The following FHL5 variants were observed in gnomAD, a reference collection of about 807,000 sequenced individuals.
FHL5 encodes four and a half LIM domains protein 5.
Under a neutral mutation model 32.0 loss-of-function variants are expected in FHL5, and 33 were observed. The ratio of observed to expected loss-of-function variants is 1.03; its 90% CI spans 0.78 to 1.38. The LOEUF (loss-of-function observed/expected upper bound fraction) is 1.38. Ranked by LOEUF, FHL5 falls within the 40% of genes most tolerant of loss-of-function variation. FHL5 has a pLI of 0.00. For synonymous variants in FHL5, 114 were observed against 113.6 expected (o/e 1.00, Z -0.02); for missense variants, 336 against 343.9 (o/e 0.98, Z 0.18).
intron 1 of FHL5, among the ~76,000 whole-genome samples, chr6:96,572,340 A>G (rs957590288): frequency 1.3e-5 from 2 of 152,188 alleles, no homozygotes; most frequent in African/African-American, 4.8e-5. Context: ...TGAATAGCCA[A>G]GGTACTGTTT....
At chr6:96,610,500 T>C (rs1380202014) in intron 4 of FHL5, 72 bp from the exon 5 acceptor site, 3 of 1,132,502 alleles carry the variant, frequency 2.6e-6, no homozygotes, top group African/African-American at 3.1e-5. Flanking sequence ...TACTAGGATC[T>C]CAAAAGAATC....
At chr6:96,611,486 C>A (rs1214261181) in intron 5 of FHL5, among the ~76,000 whole-genome samples, 1 of 152,020 alleles carries the variant, frequency 6.6e-6, no homozygotes, top group Non-Finnish European at 1.5e-5. Flanking sequence ...AATGCTAATC[C>A]TATAATAAAG....
At chr6:96,585,643 A>G (rs1359669126) in intron 1 of FHL5, among the ~76,000 whole-genome samples, 1 of 152,168 alleles carries the variant, frequency 6.6e-6, no homozygotes, top group East Asian at 1.9e-4. Flanking sequence ...ACCTATCTCC[A>G]TGGGGAACAA....
rs77872007 is a variant in FHL5 at position 96,604,672 on chromosome 6, G to A, written c.160-78G>A. The A allele has an allele frequency of 4.8e-3, 5,414 of 1,124,530 alleles. 50 individuals carry two copies. The highest frequency in any genetic ancestry group is 0.031 in the African/African-American group (1,954 of 63,908). The allele number at this position is 1,124,530 out of a possible 1,614,324, so 69.7% of individuals were successfully genotyped here. On this transcript the variant is annotated intron_variant, in intron 2 of 5. Transcript: ENST00000450218. Reference sequence around the variant, plus strand: ...CAACCTACTGACATGAGAGTCCCAGGAGTGTTCAGTTTTGTTTCATAAAAT... The same window carrying A: ...CAACCTACTGACATGAGAGTCCCAGAAGTGTTCAGTTTTGTTTCATAAAAT...
intron 1 of FHL5, among the ~76,000 whole-genome samples, chr6:96,577,014 G>A (rs903039524): frequency 6.6e-6 from 1 of 152,170 alleles, no homozygotes; most frequent in African/African-American, 2.4e-5. Flanking sequence ...TACAACTGCT[G>A]AGTGAAAGCT....
intron 1 of FHL5, among the ~76,000 whole-genome samples, chr6:96,593,020 T>G (rs1770955047): frequency 6.6e-6 from 1 of 152,092 alleles, no homozygotes; most frequent in South Asian, 2.1e-4. Flanking sequence ...ATCATCTATG[T>G]TTCTTACTTT....
Position 96,615,964 on chromosome 6 carries a change from A to G in FHL5, c.*192A>G. The G allele has an allele frequency of 2.4e-6, 1 of 421,672 alleles. No homozygotes were observed. The highest frequency in any genetic ancestry group is 4.2e-6 in the Non-Finnish European group (1 of 239,964). 26.1% of individuals were successfully genotyped at this position (421,672 alleles called of 1,614,324 possible). A position where few individuals can be genotyped will look rare whatever the true frequency, so the allele number is the denominator to read the frequency against. On this transcript the variant is annotated 3_prime_UTR_variant, in exon 6 of 6. Coordinates refer to ENST00000450218, the MANE Select transcript of FHL5 (RefSeq NM_001322466.2). ...AGCACAGTAGAACAGAAATGAATAT[A>G]TGCTAAATCACAAAGACAACTCTCC...
At chr6:96,599,241 A>C (rs1290633978) in intron 1 of FHL5, among the ~76,000 whole-genome samples, 2 of 143,684 alleles carry the variant, frequency 1.4e-5, no homozygotes, top group Non-Finnish European at 3.0e-5. Context: ...TGTTCCCCAG[A>C]CTAGAGTGCA....
In FHL5 at chr6:96,614,152, C is replaced by T. The variant is rs112887213; in HGVS notation, c.692-1457C>T. 4.7e-3 allele frequency among the ~76,000 whole-genome samples: 716 copies of T among 152,132 alleles called. 3 individuals are homozygous for T. Among genetic ancestry groups the T allele is most frequent in the African/African-American group, 0.014 (580 of 41,512 alleles). ...CTACTTTTTCTTATTTGTAAAATTC[C>T]GGAAGAATTGCTTTTATATTTGCCA... On this transcript the variant is annotated intron_variant, in intron 5 of 5. Coordinates refer to ENST00000450218, the MANE Select transcript of FHL5 (RefSeq NM_001322466.2).
Position 96,618,249 on chromosome 6 carries a change from C to T in FHL5, c.*2477C>T, listed in dbSNP as rs1447667422. Among the ~76,000 whole-genome samples the T allele has an allele frequency of 1.3e-5, 2 of 152,198 alleles. No individual in the cohort carries two copies. Among genetic ancestry groups the T allele is most frequent in the African/African-American group, 4.8e-5 (2 of 41,448 alleles). The stretch of plus-strand genomic sequence containing the variant: ...TATCCAAAGATGAAATGGACTGACT[C>T]AGGAAACAGTGGGCTCCCAGTAATT... On this transcript the variant is annotated 3_prime_UTR_variant, in exon 6 of 6. Coordinates refer to ENST00000450218, the MANE Select transcript of FHL5 (RefSeq NM_001322466.2).
intron 1 of FHL5, among the ~76,000 whole-genome samples, chr6:96,597,019 C>G (rs1582472642): frequency 6.6e-6 from 1 of 152,134 alleles, no homozygotes; most frequent in Admixed American, 6.6e-5. Context: ...CTAAATCAAG[C>G]CATCATTACC....
intron 1 of FHL5, among the ~76,000 whole-genome samples, chr6:96,575,860 G>A (rs1770574037): frequency 2.0e-5 from 3 of 152,188 alleles, no homozygotes; most frequent in Admixed American, 1.3e-4. Flanking sequence ...TCAGTATGGT[G>A]TTTAGTTGGC....
Position 96,604,892 on chromosome 6 carries a change from A to C in FHL5, c.302A>C (p.Lys101Thr). The change falls in exon 3 of 6, where the codon AAG (lysine) becomes ACG (threonine). Residue 101 changes from lysine to threonine, a missense_variant. Lys to Thr is a moderately conservative substitution (Grantham distance 78, BLOSUM62 -1). Coordinates refer to ENST00000450218, the MANE Select transcript of FHL5 (RefSeq NM_001322466.2). ...TECYSNECSSKCFHCKRTIMP... is the reference protein window; with the variant it reads ...TECYSNECSSTCFHCKRTIMP... ...TGCTATTCTAACGAGTGCTCCTCCA[A>C]GTGCTTCCACTGCAAGAGGACCATC... The C allele has an allele frequency of 1.9e-6, 3 of 1,611,276 alleles. No individual in the cohort carries two copies. The highest frequency in any genetic ancestry group is 2.5e-6 in the Non-Finnish European group (3 of 1,178,608).
chr6:96,612,501 G>T (rs981276818), intron 5 of FHL5, among the ~76,000 whole-genome samples: 6 of 152,040 alleles, frequency 3.9e-5, no homozygotes, highest in Middle Eastern at 3.2e-3. Context: ...TTTCAATTCT[G>T]GTATATCACA....
intron 1 of FHL5, among the ~76,000 whole-genome samples, chr6:96,585,923 T>A (rs2127964925): frequency 6.6e-6 from 1 of 152,308 alleles, no homozygotes; most frequent in Non-Finnish European, 1.5e-5. Flanking sequence ...TGCACAATGC[T>A]GTGTTAACTG....
intron 1 of FHL5, among the ~76,000 whole-genome samples, chr6:96,583,766 C>T (rs1012774347): frequency 1.3e-5 from 2 of 152,032 alleles, no homozygotes; most frequent in East Asian, 1.9e-4. Context: ...AAAAACTCTC[C>T]CTGCCATGGC....
intron 1 of FHL5, among the ~76,000 whole-genome samples, chr6:96,574,433 G>A (rs1770544450): frequency 1.3e-5 from 2 of 152,102 alleles, no homozygotes; most frequent in Admixed American, 1.3e-4. Flanking sequence ...AATGAGTGTG[G>A]CTGTGTTCCA....
Position 96,615,902 on chromosome 6 carries a change from A to T in FHL5, c.*130A>T, listed in dbSNP as rs537483197. On this transcript the variant is annotated 3_prime_UTR_variant, in exon 6 of 6. Transcript: ENST00000450218. ...TAGTTTAGAGTGGAAAAGTTTTTGC[A>T]CACATTTTGATCGAACTATATTCTA... 18 of 698,164 alleles carry T rather than the reference A, an allele frequency of 2.6e-5. No individual in the cohort carries two copies. Among genetic ancestry groups the T allele is most frequent in the African/African-American group, 2.4e-4 (13 of 54,356 alleles). The allele number at this position is 698,164 out of a possible 1,614,324, so 43.2% of individuals were successfully genotyped here. A position where few individuals can be genotyped will look rare whatever the true frequency, so the allele number is the denominator to read the frequency against.
chr6:96,614,849 C>T (rs113316141), intron 5 of FHL5, among the ~76,000 whole-genome samples: 4 of 152,290 alleles, frequency 2.6e-5, no homozygotes, highest in Admixed American at 6.5e-5. Context: ...TTTAAAGAAA[C>T]AGTATGGTTC....
Sources: gnomAD v4.1 joint callset for allele counts (sites outside exome capture counted in the v4.1 genomes callset) on GRCh38, gnomAD v4.1.1 for gene constraint, MANE v1.5 for transcripts, NCBI Gene and HGNC (gene_info 2026-07-23, HGNC 2026-07-21) for gene names.